Variants in GRID1 observed in about 807,000 individuals in gnomAD.
The protein encoded by GRID1 is glutamate ionotropic receptor delta type subunit 1, also known as glutamate receptor ionotropic, delta-1.
A neutral mutation model predicts 98.0 loss-of-function variants in GRID1; 28 were observed. That is an observed-to-expected ratio of 0.29 (90% CI 0.21 to 0.39). The LOEUF is 0.39. Among genes scored for constraint, GRID1 ranks in the 10% least tolerant of loss-of-function variants. The pLI, the probability that GRID1 is intolerant of heterozygous loss-of-function variation, is 1.00. For missense variants in GRID1, 1,111 were observed against 1,340.5 expected (o/e 0.83, Z 2.67); for synonymous variants, 553 against 538.5 (o/e 1.03, Z -0.37).
At chr10:85,794,359 G>T (rs886196313) in intron 8 of GRID1, among the ~76,000 whole-genome samples, 1 of 152,174 alleles carries the variant, frequency 6.6e-6, no homozygotes, top group Non-Finnish European at 1.5e-5. Context: ...TCAGAGCATC[G>T]GTGCTAAAGA....
chr10:86,106,706 G>A (rs1295237308), intron 4 of GRID1, among the ~76,000 whole-genome samples: 2 of 152,190 alleles, frequency 1.3e-5, no homozygotes, highest in African/African-American at 4.8e-5. Context: ...GGAATGTGCA[G>A]TGAGAAGAGG....
intron 4 of GRID1, among the ~76,000 whole-genome samples, chr10:85,945,624 T>C (rs1473093906): frequency 6.6e-6 from 1 of 152,234 alleles, no homozygotes; most frequent in Non-Finnish European, 1.5e-5. Flanking sequence ...TAGAAAGTCA[T>C]TTCAAAGCAC....
Position 86,365,540 on chromosome 10 carries a change from AT to A in GRID1, c.79+773del, listed in dbSNP as rs1196192274. Among the ~76,000 whole-genome samples, 2 of 149,752 alleles carry A rather than the reference AT, an allele frequency of 1.3e-5. No individual in the cohort carries two copies. The highest frequency in any genetic ancestry group is 3.0e-5 in the Non-Finnish European group (2 of 67,464). ...CTCTATCCATCTCTTCCCGCTCAGC[AT>A]CCCCCTACCCCCCGCTGCCCACGCT... On this transcript the variant is annotated intron_variant, in intron 1 of 15. Transcript: ENST00000327946. This position sits in a 1 kb window ranked among gnomAD's most constrained non-coding sequence, Gnocchi z 4.8.
At chr10:85,658,980 T>C (rs186031028) in intron 12 of GRID1, among the ~76,000 whole-genome samples, 4 of 152,316 alleles carry the variant, frequency 2.6e-5, no homozygotes, top group Admixed American at 6.5e-5. Context: ...AACTGAGTTT[T>C]TGTGGAAGTG....
At chr10:86,313,763 C>G (rs1178604325) in intron 2 of GRID1, among the ~76,000 whole-genome samples, 1 of 152,216 alleles carries the variant, frequency 6.6e-6, no homozygotes, top group Non-Finnish European at 1.5e-5. Context: ...GGGCTGCACC[C>G]TGCGCTGGGG....
intron 4 of GRID1, among the ~76,000 whole-genome samples, chr10:86,093,256 C>T (rs75966145): frequency 0.054 from 8,157 of 152,020 alleles, 489 homozygotes; most frequent in African/African-American, 0.14. Context: ...AGTTCATAGC[C>T]CTTAATGCCT....
chr10:86,199,365 A>G (rs1391888465), intron 3 of GRID1, among the ~76,000 whole-genome samples: 2 of 152,142 alleles, frequency 1.3e-5, no homozygotes, highest in Non-Finnish European at 2.9e-5. Flanking sequence ...TTTGCTGAAG[A>G]TGGACCTTTA....
intron 2 of GRID1, among the ~76,000 whole-genome samples, chr10:86,348,673 G>A (rs552160547): frequency 1.3e-5 from 2 of 152,344 alleles, no homozygotes; most frequent in Admixed American, 6.5e-5. Flanking sequence ...CACGTAGCAC[G>A]TCCACGTGAC....
At chr10:85,991,547 T>C (rs1029609445) in intron 4 of GRID1, among the ~76,000 whole-genome samples, 15 of 149,980 alleles carry the variant, frequency 1.0e-4, no homozygotes, top group African/African-American at 3.7e-4. Context: ...CAGTGGGAGT[T>C]TGGGCAAGAA....
intron 3 of GRID1, among the ~76,000 whole-genome samples, chr10:86,184,218 C>G (rs1845696157): frequency 6.6e-6 from 1 of 152,184 alleles, no homozygotes; most frequent in Non-Finnish European, 1.5e-5. Flanking sequence ...ATCCTCTTCA[C>G]AGAATCTTTC....
chr10:85,936,812 G>A lies in GRID1; in HGVS notation c.727-20573C>T, dbSNP rs188841552. On this transcript the variant is annotated intron_variant, in intron 4 of 15. Coordinates refer to ENST00000327946, the MANE Select transcript of GRID1 (RefSeq NM_017551.3). Reference sequence around the variant, plus strand: ...TTAAAAAGTATTTGGCTAAGAGACGGTGAGTTTTAGAATGCCATTAATACA... The same window carrying A: ...TTAAAAAGTATTTGGCTAAGAGACGATGAGTTTTAGAATGCCATTAATACA... 1.2e-3 allele frequency among the ~76,000 whole-genome samples: 189 copies of A among 152,338 alleles called. 1 individual carries two copies. Among genetic ancestry groups the A allele is most frequent in the African/African-American group, 4.4e-3 (184 of 41,588 alleles).
chr10:86,040,476 G>A, intron 4 of GRID1, among the ~76,000 whole-genome samples: 1 of 122,188 alleles, frequency 8.2e-6, no homozygotes. Flanking sequence ...GCCAGGCACA[G>A]AAAGCCAAAT....
intron 8 of GRID1, among the ~76,000 whole-genome samples, chr10:85,853,930 G>A (rs1843084582): frequency 1.3e-5 from 2 of 152,162 alleles, no homozygotes; most frequent in South Asian, 4.1e-4. Flanking sequence ...GAAGACCCAG[G>A]CTGCCACCTG....
chr10:85,723,228 CA>C, intron 11 of GRID1, 87 bp from the exon 12 acceptor site: 1 of 1,311,054 alleles, frequency 7.6e-7, no homozygotes, highest in Non-Finnish European at 1.0e-6. Flanking sequence ...CAGCCAGGCA[CA>C]CAGGCCATCA....
rs1842441903 is a variant in GRID1 at position 85,787,673 on chromosome 10, A to G, written c.1234-58059T>C. ...AGGACCACCCACTCGTGTGGACCACAGTGGAGCCAGGTAAATCCTCAGCTC... is the reference window on the plus strand; with the variant it reads ...AGGACCACCCACTCGTGTGGACCACGGTGGAGCCAGGTAAATCCTCAGCTC... On this transcript the variant is annotated intron_variant, in intron 8 of 15. Coordinates refer to ENST00000327946, the MANE Select transcript of GRID1 (RefSeq NM_017551.3). Among the ~76,000 whole-genome samples, 3 of 152,272 alleles carry G rather than the reference A, an allele frequency of 2.0e-5. No homozygotes were observed. The East Asian group carries it at 5.8e-4, about 29-fold the overall frequency.
At chr10:86,193,594 G>C (rs981125027) in intron 3 of GRID1, among the ~76,000 whole-genome samples, 8 of 151,958 alleles carry the variant, frequency 5.3e-5, no homozygotes, top group Non-Finnish European at 8.8e-5. Context: ...GCCCCTTCCA[G>C]CTCAGGTCAA....
At chr10:85,857,952 G>A (rs528958736) in intron 6 of GRID1, among the ~76,000 whole-genome samples, 74 of 152,280 alleles carry the variant, frequency 4.9e-4, no homozygotes, top group African/African-American at 1.6e-3. Flanking sequence ...GTTAGGTGGC[G>A]CGAACTCTCC....
At chr10:86,333,434 G>A (rs1053154724) in intron 2 of GRID1, among the ~76,000 whole-genome samples, 1 of 152,232 alleles carries the variant, frequency 6.6e-6, no homozygotes, top group Non-Finnish European at 1.5e-5. Flanking sequence ...TTTGAGGAAA[G>A]GAGTTGTGCT....
Position 86,192,739 on chromosome 10 carries a change from C to T in GRID1, c.520+13625G>A, listed in dbSNP as rs1038715744. Among the ~76,000 whole-genome samples, 2 of 152,040 alleles carry T rather than the reference C, an allele frequency of 1.3e-5. No individual in the cohort carries two copies. The highest frequency in any genetic ancestry group is 2.9e-5 in the Non-Finnish European group (2 of 67,960). ...AAAAACTACAAAAGTAAAGTAGGAA[C>T]TTCCCAGAGCACAGGTAGAATCCAG... On this transcript the variant is annotated intron_variant, in intron 3 of 15. Transcript: ENST00000327946. The surrounding 1 kb of genome is among the most constrained non-coding windows in gnomAD (Gnocchi z 4.8).
Sources: gnomAD v4.1 joint callset for allele counts (sites outside exome capture counted in the v4.1 genomes callset) on GRCh38, gnomAD v4.1.1 for gene constraint, Gnocchi (gnomAD v3.1) non-coding constraint, MANE v1.5 for transcripts, NCBI Gene and HGNC (gene_info 2026-07-23, HGNC 2026-07-21) for gene names.